SGPP2: variants seen among roughly 807,000 people sequenced by gnomAD.
SGPP2 encodes sphingosine-1-phosphate phosphatase 2.
Under a neutral mutation model 33.9 loss-of-function variants are expected in SGPP2, and 30 were observed. That is an observed-to-expected ratio of 0.89 (90% confidence interval 0.66 to 1.20). The LOEUF is 1.20. Among genes scored for constraint, SGPP2 ranks in the 50% most tolerant of loss-of-function variants. The pLI is 0.00. For synonymous variants in SGPP2, 233 were observed against 225.0 expected (o/e 1.04, Z -0.32); for missense variants, 458 against 532.1 (o/e 0.86, Z 1.37).
intron 1 of SGPP2, among the ~76,000 whole-genome samples, chr2:222,447,192 T>C (rs1424963947): frequency 6.6e-6 from 1 of 152,210 alleles, no homozygotes; most frequent in African/African-American, 2.4e-5. Context: ...GGAGTAGTGA[T>C]GGCTGCTTGT....
chr2:222,542,418 T>C (rs1026094350), intron 4 of SGPP2, among the ~76,000 whole-genome samples: 2 of 152,244 alleles, frequency 1.3e-5, no homozygotes, highest in African/African-American at 4.8e-5. Context: ...CATTTTCCTC[T>C]TGAGTATGAA....
intron 4 of SGPP2, among the ~76,000 whole-genome samples, chr2:222,546,752 A>G (rs1031449755): frequency 2.0e-5 from 3 of 151,712 alleles, no homozygotes; most frequent in African/African-American, 7.3e-5. Flanking sequence ...ATATTGGAAT[A>G]TCACTCTAGG....
chr2:222,451,020 T>C (rs1015207482), intron 1 of SGPP2, among the ~76,000 whole-genome samples: 2 of 152,164 alleles, frequency 1.3e-5, no homozygotes, highest in Admixed American at 1.3e-4. Context: ...AGAAAATGTA[T>C]TTTGACCAAA....
chr2:222,544,304 G>A (rs1051249444), intron 4 of SGPP2, among the ~76,000 whole-genome samples: 12 of 152,286 alleles, frequency 7.9e-5, no homozygotes, highest in African/African-American at 2.2e-4. Context: ...ACATGTTCAC[G>A]AATGCATTTA....
At chr2:222,464,358 G>C (rs1697712286) in intron 1 of SGPP2, among the ~76,000 whole-genome samples, 1 of 152,190 alleles carries the variant, frequency 6.6e-6, no homozygotes, top group African/African-American at 2.4e-5. Context: ...CACATTCCTG[G>C]TCTCTGAAAT....
chr2:222,467,413 C>T (rs1697762855), intron 1 of SGPP2, among the ~76,000 whole-genome samples: 1 of 152,228 alleles, frequency 6.6e-6, no homozygotes, highest in Non-Finnish European at 1.5e-5. Flanking sequence ...GATCTTGTTT[C>T]ATCCTCCCAA....
At chr2:222,530,969 GGC>G (rs1414044227) in intron 4 of SGPP2, among the ~76,000 whole-genome samples, 11 of 152,170 alleles carry the variant, frequency 7.2e-5, no homozygotes, top group African/African-American at 2.7e-4. Flanking sequence ...AGGAGTTGGA[GGC>G]TGTAGTGAGG....
chr2:222,507,905 G>A (rs1418704560), intron 2 of SGPP2, among the ~76,000 whole-genome samples: 3 of 152,072 alleles, frequency 2.0e-5, no homozygotes, highest in African/African-American at 7.2e-5. Context: ...ATTTAGCTTT[G>A]CTCTCAGATT....
In SGPP2 at chr2:222,509,723, T is replaced by C. The variant is rs531023573; in HGVS notation, c.379-12044T>C. On this transcript the variant is annotated intron_variant, in intron 2 of 4. Coordinates refer to ENST00000321276, the MANE Select transcript of SGPP2 (RefSeq NM_152386.4). ...CACATAGAAAAGGTACACCAGGACT[T>C]ATCTTGATGTCTCATTTCTCTTTCT... Among the ~76,000 whole-genome samples, 7 of 152,376 alleles carry C rather than the reference T, an allele frequency of 4.6e-5. No individual in the cohort carries two copies. The South Asian group carries it at 1.4e-3, about 32-fold the overall frequency.
intron 1 of SGPP2, among the ~76,000 whole-genome samples, chr2:222,451,684 G>A (rs1697491212): frequency 6.6e-6 from 1 of 152,178 alleles, no homozygotes; most frequent in Non-Finnish European, 1.5e-5. Context: ...GCAATGCAAG[G>A]GGACTAAAAG....
chr2:222,488,227 T>A (rs545450737), intron 2 of SGPP2, among the ~76,000 whole-genome samples: 18 of 152,244 alleles, frequency 1.2e-4, no homozygotes, highest in East Asian at 3.9e-4. Flanking sequence ...GTGAGAGGGG[T>A]CCTTAGGGAC....
intron 2 of SGPP2, among the ~76,000 whole-genome samples, chr2:222,495,036 A>T (rs967692508): frequency 3.5e-5 from 5 of 143,448 alleles, no homozygotes; most frequent in African/African-American, 8.3e-5. Flanking sequence ...TGTCTCAAAC[A>T]AAAACAAAAA....
At chr2:222,480,009 C>T (rs758444125) in intron 2 of SGPP2, among the ~76,000 whole-genome samples, 10 of 152,156 alleles carry the variant, frequency 6.6e-5, no homozygotes, top group African/African-American at 1.9e-4. Context: ...CCAAAAAAGA[C>T]AGCAAATGGA....
At chr2:222,495,397 G>C (rs1698264591) in intron 2 of SGPP2, among the ~76,000 whole-genome samples, 1 of 152,106 alleles carries the variant, frequency 6.6e-6, no homozygotes, top group Non-Finnish European at 1.5e-5. Context: ...CTGGAAAACA[G>C]AGCAAGGCCC....
chr2:222,525,703 C>T (rs1206202544), intron 4 of SGPP2, among the ~76,000 whole-genome samples: 2 of 152,134 alleles, frequency 1.3e-5, no homozygotes, highest in East Asian at 1.9e-4. Context: ...ACCACAGGGG[C>T]GCTATTTATC....
chr2:222,467,873 A>C (rs1697770298), intron 1 of SGPP2, among the ~76,000 whole-genome samples: 1 of 144,070 alleles, frequency 6.9e-6, no homozygotes, highest in Non-Finnish European at 1.5e-5. Context: ...CGAGATGTGA[A>C]CTCCTGGCTC....
chr2:222,436,319 A>G (rs1697240086), intron 1 of SGPP2, among the ~76,000 whole-genome samples: 1 of 152,162 alleles, frequency 6.6e-6, no homozygotes, highest in African/African-American at 2.4e-5. Context: ...GTGAATCCCT[A>G]GGGGTGATGG....
At chr2:222,555,812 T>C (rs1256481844) in intron 4 of SGPP2, among the ~76,000 whole-genome samples, 1 of 152,160 alleles carries the variant, frequency 6.6e-6, no homozygotes, top group Non-Finnish European at 1.5e-5. Flanking sequence ...TTTAAAGGTC[T>C]GATAAGTAAA....
intron 1 of SGPP2, among the ~76,000 whole-genome samples, chr2:222,445,896 A>C (rs922779366): frequency 6.6e-6 from 1 of 152,224 alleles, no homozygotes; most frequent in Non-Finnish European, 1.5e-5. Context: ...GAAAGGCTAC[A>C]GTGGGCTTTG....
Sources: allele counts gnomAD v4.1 joint callset (sites outside exome capture counted in the v4.1 genomes callset), GRCh38; gene constraint gnomAD v4.1.1; transcripts MANE v1.5; gene names NCBI Gene and HGNC (gene_info 2026-07-23, HGNC 2026-07-21).